Variants in FRY observed in about 807,000 individuals in gnomAD.
The protein encoded by FRY is FRY microtubule binding protein.
A neutral mutation model predicts 348.4 loss-of-function variants in FRY; 128 were observed. The observed-to-expected ratio is 0.37, with a 90% CI of 0.32 to 0.43. The LOEUF (loss-of-function observed/expected upper bound fraction) is 0.43. FRY is among the 20% of genes least tolerant of loss of function. FRY has a pLI of 1.00. For missense variants in FRY, 2,736 were observed against 3,695.2 expected, an observed-to-expected ratio of 0.74 and a Z score of 6.73; for synonymous variants, 1,370 against 1,374.7, an observed-to-expected ratio of 1.00 and a Z score of 0.08.
At chr13:32,258,911 A>G (rs367555185) in intron 51 of FRY, among the ~76,000 whole-genome samples, 1 of 152,178 alleles carries the variant, frequency 6.6e-6, no homozygotes, top group Admixed American at 6.5e-5. Flanking sequence ...TATTTTGACC[A>G]CAATGCACCC....
At chr13:32,285,007 G>A (rs1888977627) in intron 58 of FRY, among the ~76,000 whole-genome samples, 1 of 152,040 alleles carries the variant, frequency 6.6e-6, no homozygotes, top group Non-Finnish European at 1.5e-5. Context: ...TAACATCTTG[G>A]CTTCTTGATC....
At chr13:32,117,120 T>C (rs527405884) in intron 3 of FRY, among the ~76,000 whole-genome samples, 1 of 152,336 alleles carries the variant, frequency 6.6e-6, no homozygotes, top group Admixed American at 6.5e-5. Context: ...TAATTAACTT[T>C]CTTGAACTAC....
At chr13:32,134,543 C>T (rs55936312) in intron 8 of FRY, among the ~76,000 whole-genome samples, 15,032 of 152,222 alleles carry the variant, frequency 0.099, 849 homozygotes, top group Admixed American at 0.13. Context: ...ACTAGGAGCC[C>T]AGGGCCTAAC....
At chr13:32,273,336 C>T (rs953281908) in intron 55 of FRY, among the ~76,000 whole-genome samples, 2 of 151,702 alleles carry the variant, frequency 1.3e-5, no homozygotes, top group South Asian at 2.1e-4. Flanking sequence ...CATTCTCCTG[C>T]CTCAGCCTCC....
intron 2 of FRY, among the ~76,000 whole-genome samples, chr13:32,094,804 A>G (rs1369787029): frequency 6.6e-6 from 1 of 152,236 alleles, no homozygotes; most frequent in Non-Finnish European, 1.5e-5. Flanking sequence ...TATTGTGCAC[A>G]GAGCTGCAAC....
intron 31 of FRY, among the ~76,000 whole-genome samples, chr13:32,205,874 T>G (rs1884325254): frequency 6.6e-6 from 1 of 151,660 alleles, no homozygotes; most frequent in Non-Finnish European, 1.5e-5. Context: ...TAATAAATGA[T>G]AAGGGCCTGA....
At chr13:32,033,933 G>GA (rs1872373359) in intron 1 of FRY, among the ~76,000 whole-genome samples, 1 of 152,236 alleles carries the variant, frequency 6.6e-6, no homozygotes, top group Non-Finnish European at 1.5e-5. Context: ...AGCAAAGAGA[G>GA]AAAGGAATTT....
At chr13:32,253,497 C>T (rs1887186505) in intron 50 of FRY, among the ~76,000 whole-genome samples, 2 of 152,114 alleles carry the variant, frequency 1.3e-5, no homozygotes, top group Non-Finnish European at 2.9e-5. Flanking sequence ...GGCTGGATAG[C>T]AAAACATTTA....
At chr13:32,061,299 T>A (rs1873932606) in intron 1 of FRY, 4 of 420,600 alleles carry the variant, frequency 9.5e-6, no homozygotes, top group South Asian at 7.2e-5. Flanking sequence ...GATTTACTTA[T>A]AATGCCATTG....
At chr13:32,219,718 C>A (rs1885215327) in intron 36 of FRY, among the ~76,000 whole-genome samples, 1 of 152,036 alleles carries the variant, frequency 6.6e-6, no homozygotes, top group Non-Finnish European at 1.5e-5. Flanking sequence ...GAGATCGCGC[C>A]ACTGCACTGT....
In FRY at chr13:32,101,992, T is replaced by G. The variant is rs1877190327; in HGVS notation, c.300T>G (p.Arg100=). 1 of 1,548,412 alleles carries G rather than the reference T, an allele frequency of 6.5e-7. No individual in the cohort carries two copies. The part of the protein sequence containing the change: ...LEKPLTKSLQ[R]GEDPQFDQVI... Reference sequence around the variant, plus strand: ...AGCCATTGACAAAATCTCTGCAACGTGGAGAAGACCCCCAATTTGATCAGG... The same window carrying G: ...AGCCATTGACAAAATCTCTGCAACGGGGAGAAGACCCCCAATTTGATCAGG... Residue 100 remains arginine (R), a synonymous_variant, in exon 3 of 61, where the codon CGT becomes CGG. Transcript: ENST00000542859.
intron 1 of FRY, among the ~76,000 whole-genome samples, chr13:32,047,623 T>G (rs1442488160): frequency 2.7e-5 from 4 of 149,892 alleles, no homozygotes; most frequent in Non-Finnish European, 5.9e-5. Context: ...CAGGCTGGAG[T>G]GCAACAGCAT....
intron 20 of FRY, among the ~76,000 whole-genome samples, chr13:32,176,441 C>G (rs1163357973): frequency 6.6e-6 from 1 of 152,146 alleles, no homozygotes; most frequent in Non-Finnish European, 1.5e-5. Flanking sequence ...AACCTGAAGA[C>G]ATTTCAGAGC....
rs571873226 is a variant in FRY, at chr13:32,155,524, A to G, written c.1513A>G (p.Ile505Val). ...MNIGLRAFLV[I>V]ADSLQQKDGE... ...CATTGGTTTACGGGCATTCTTGGTC[A>G]TAGCTGATAGCTTGCAGCAGAAAGA... is the stretch of plus-strand genomic sequence containing the variant. Residue 505 changes from isoleucine to valine, a missense_variant, in exon 15 of 61, where the codon ATA becomes GTA. Around this residue, in one of 9 missense-constraint regions of FRY, gnomAD observed 191 missense variants for 370.2 expected, o/e 0.52. Transcript: ENST00000542859. 1.2e-6 allele frequency: 2 copies of G among 1,613,736 alleles called. No homozygotes were observed. Among genetic ancestry groups the G allele is most frequent in the African/African-American group, 1.3e-5 (1 of 75,040 alleles).
intron 1 of FRY, among the ~76,000 whole-genome samples, chr13:32,069,350 G>A (rs1004492877): frequency 6.6e-6 from 1 of 152,234 alleles, no homozygotes; most frequent in Non-Finnish European, 1.5e-5. Flanking sequence ...TAGTCTTTCC[G>A]GAAAGTATAC....
intron 36 of FRY, among the ~76,000 whole-genome samples, chr13:32,221,894 T>C (rs1356479653): frequency 6.6e-6 from 1 of 152,158 alleles, no homozygotes; most frequent in Non-Finnish European, 1.5e-5. Context: ...CCAGGCACCA[T>C]TGTAGGTAGT....
chr13:32,230,581 C>T (rs754816804), intron 40 of FRY, among the ~76,000 whole-genome samples: 10 of 152,106 alleles, frequency 6.6e-5, no homozygotes, highest in Non-Finnish European at 1.3e-4. Context: ...GGGCTGATTC[C>T]GTGTCTTTGC....
intron 2 of FRY, among the ~76,000 whole-genome samples, chr13:32,091,151 GAGA>G (rs1230487196): frequency 6.6e-6 from 1 of 152,164 alleles, no homozygotes; most frequent in East Asian, 1.9e-4. Context: ...AATAAAAGGG[GAGA>G]AGTTTTGTCA....
chr13:32,138,604 G>A (rs895509077), intron 11 of FRY, among the ~76,000 whole-genome samples: 1 of 152,140 alleles, frequency 6.6e-6, no homozygotes, highest in Non-Finnish European at 1.5e-5. Context: ...GTATATCCCT[G>A]TGCAAACTTT....
Sources: allele counts gnomAD v4.1 joint callset (sites outside exome capture counted in the v4.1 genomes callset), GRCh38; gene constraint gnomAD v4.1.1; regional missense constraint gnomAD v4.1.1; transcripts MANE v1.5; gene names NCBI Gene and HGNC (gene_info 2026-07-23, HGNC 2026-07-21).